Variants in ASIC2 observed in about 807,000 individuals in gnomAD.
The protein encoded by ASIC2 is acid-sensing ion channel 2.
ASIC2 carries 25 observed loss-of-function variants against 57.3 expected under a neutral mutation model. That is an observed-to-expected ratio of 0.44 (90% CI 0.32 to 0.61). The LOEUF is 0.61. ASIC2 is among the 20% of genes least tolerant of loss of function. ASIC2 has a pLI of 0.06. For synonymous variants in ASIC2, 319 were observed against 307.5 expected (o/e 1.04, Z -0.39); for missense variants, 641 against 738.1 (o/e 0.87, Z 1.52).
chr17:33,014,947 T>C (rs993738188), intron 9 of ASIC2, among the ~76,000 whole-genome samples: 84 of 152,190 alleles, frequency 5.5e-4, no homozygotes, highest in East Asian at 1.9e-4. Flanking sequence ...ACAGGTTTAA[T>C]ATGTAACTTG....
At chr17:33,866,294 A>G (rs933169472) in intron 1 of ASIC2, among the ~76,000 whole-genome samples, 1 of 152,142 alleles carries the variant, frequency 6.6e-6, no homozygotes, top group Non-Finnish European at 1.5e-5. Flanking sequence ...ACACCCCAAC[A>G]TCAGTTTTTG....
chr17:33,608,765 G>A (rs1048803156), intron 1 of ASIC2, among the ~76,000 whole-genome samples: 1 of 152,176 alleles, frequency 6.6e-6, no homozygotes, highest in African/African-American at 2.4e-5. Flanking sequence ...ATAGGATACA[G>A]AGCCCTTCAC....
intron 1 of ASIC2, among the ~76,000 whole-genome samples, chr17:33,487,165 G>A (rs1286525335): frequency 3.9e-5 from 6 of 152,144 alleles, no homozygotes; most frequent in Non-Finnish European, 8.8e-5. Context: ...GGACCAAGAA[G>A]AATTTTTAAA....
intron 1 of ASIC2, among the ~76,000 whole-genome samples, chr17:33,763,983 C>T (rs533542688): frequency 6.6e-6 from 1 of 152,186 alleles, no homozygotes; most frequent in Non-Finnish European, 1.5e-5. Context: ...CCCCAACAAG[C>T]CTTTTCTAGT....
chr17:34,013,664 A>G (rs1906848837), intron 1 of ASIC2, among the ~76,000 whole-genome samples: 1 of 152,196 alleles, frequency 6.6e-6, no homozygotes, highest in Non-Finnish European at 1.5e-5. Context: ...ATGGAAGATG[A>G]GGAAACTGGG....
intron 1 of ASIC2, among the ~76,000 whole-genome samples, chr17:33,560,977 G>A (rs1015249966): frequency 2.0e-5 from 3 of 152,028 alleles, no homozygotes; most frequent in Non-Finnish European, 2.9e-5. Context: ...TGTGCATCCT[G>A]TTTTTTTGTA....
intron 1 of ASIC2, among the ~76,000 whole-genome samples, chr17:33,943,352 G>A (rs369969267): frequency 6.6e-6 from 1 of 152,110 alleles, no homozygotes; most frequent in African/African-American, 2.4e-5. Context: ...TCCCTATACC[G>A]CATGTTTCAA....
intron 1 of ASIC2, among the ~76,000 whole-genome samples, chr17:34,072,600 A>G (rs1909458756): frequency 6.6e-6 from 1 of 152,194 alleles, no homozygotes; most frequent in Non-Finnish European, 1.5e-5. Context: ...ATAACCCTCT[A>G]CCTAGAGATG....
At chr17:33,173,607 A>T (rs1349428036) in intron 1 of ASIC2, among the ~76,000 whole-genome samples, 1 of 152,130 alleles carries the variant, frequency 6.6e-6, no homozygotes, top group East Asian at 1.9e-4. Context: ...AGTGAGTGTG[A>T]CTTGTTTGTA....
At chr17:33,117,070 T>A (rs1432908222) in intron 1 of ASIC2, among the ~76,000 whole-genome samples, 2 of 152,106 alleles carry the variant, frequency 1.3e-5, no homozygotes, top group Non-Finnish European at 2.9e-5. Context: ...CCCAGGATGG[T>A]CTTGAACTCC....
At chr17:34,153,238 C>A (rs895502994) in intron 1 of ASIC2, among the ~76,000 whole-genome samples, 1 of 152,146 alleles carries the variant, frequency 6.6e-6, no homozygotes, top group South Asian at 2.1e-4. Context: ...AAAAGCCATC[C>A]CCTTGTGACA....
rs553387837 is a variant in ASIC2 at position 33,179,112 on chromosome 17, G to C, written c.709-67045C>G. ...GCCATTAATGGGGATTGGTGGAGGA[G>C]AGCATGCATGTAGCTTTGAACTCAG... is the stretch of plus-strand genomic sequence containing the variant. On this transcript the variant is annotated intron_variant, in intron 1 of 9. Coordinates refer to ENST00000225823, the MANE Select transcript of ASIC2 (RefSeq NM_183377.2). Among the ~76,000 whole-genome samples the C allele has an allele frequency of 3.9e-5, 6 of 152,316 alleles. No homozygotes were observed. The South Asian group carries it at 1.2e-3, about 32-fold the overall frequency.
At chr17:33,536,843 CA>C (rs1438741672) in intron 1 of ASIC2, among the ~76,000 whole-genome samples, 1 of 151,996 alleles carries the variant, frequency 6.6e-6, no homozygotes, top group African/African-American at 2.4e-5. Flanking sequence ...CCTGTCTCTA[CA>C]AAAAATTAGC....
intron 1 of ASIC2, among the ~76,000 whole-genome samples, chr17:33,481,557 C>T (rs1913405600): frequency 6.6e-6 from 1 of 152,298 alleles, no homozygotes; most frequent in South Asian, 2.1e-4. Flanking sequence ...CTTGCTGTGT[C>T]CCCAGTGCCT....
At chr17:33,715,350 G>A (rs1327418752) in intron 1 of ASIC2, among the ~76,000 whole-genome samples, 2 of 152,144 alleles carry the variant, frequency 1.3e-5, no homozygotes, top group African/African-American at 4.8e-5. Flanking sequence ...ATAAGGCCCT[G>A]ATTTGTAATG....
chr17:33,222,827 C>T (rs1449047794), intron 1 of ASIC2, among the ~76,000 whole-genome samples: 7 of 152,184 alleles, frequency 4.6e-5, no homozygotes, highest in African/African-American at 1.7e-4. Context: ...TCAATCAGTT[C>T]ATCAATCAGC....
At chr17:33,022,038 C>T (rs1203952704) in intron 6 of ASIC2, among the ~76,000 whole-genome samples, 2 of 152,184 alleles carry the variant, frequency 1.3e-5, no homozygotes, top group Non-Finnish European at 2.9e-5. Context: ...TTGTTCTCAA[C>T]CCACTGAGCA....
At chr17:34,046,915 C>T (rs990238936) in intron 1 of ASIC2, among the ~76,000 whole-genome samples, 1 of 152,122 alleles carries the variant, frequency 6.6e-6, no homozygotes. Context: ...CTCTCCCTCC[C>T]AATACTAATC....
chr17:34,133,707 T>G (rs917060741), intron 1 of ASIC2, among the ~76,000 whole-genome samples: 1 of 152,210 alleles, frequency 6.6e-6, no homozygotes, highest in African/African-American at 2.4e-5. Context: ...ACCTGCTGTA[T>G]GCAAAGTGAT....
Sources: gnomAD v4.1 joint callset for allele counts (sites outside exome capture counted in the v4.1 genomes callset) on GRCh38, gnomAD v4.1.1 for gene constraint, MANE v1.5 for transcripts, NCBI Gene and HGNC (gene_info 2026-07-23, HGNC 2026-07-21) for gene names.